NKD1: variants seen among roughly 807,000 people sequenced by gnomAD.
The protein encoded by NKD1 is NKD inhibitor of Wnt signaling pathway 1, also known as protein naked cuticle homolog 1.
NKD1 carries 21 observed loss-of-function variants against 56.0 expected under a neutral mutation model. The ratio of observed to expected loss-of-function variants is 0.38; its 90% confidence interval spans 0.27 to 0.54. The LOEUF is 0.54. Among genes scored for constraint, NKD1 ranks in the 20% least tolerant of loss-of-function variants. The pLI is 0.82. For missense variants in NKD1, 578 were observed against 642.7 expected (o/e 0.90, Z 1.09); for synonymous variants, 263 against 265.7 (o/e 0.99, Z 0.10).
chr16:50,596,536 C>T (rs183951637), intron 3 of NKD1, among the ~76,000 whole-genome samples: 25 of 152,334 alleles, frequency 1.6e-4, no homozygotes, highest in Admixed American at 1.0e-3. Context: ...TACTACAGCG[C>T]GTGGAAACAC....
chr16:50,574,773 G>A (rs1960957411), intron 3 of NKD1: 1 of 985,358 alleles, frequency 1.0e-6, no homozygotes, highest in Non-Finnish European at 1.2e-6. Context: ...CTTTTCTTCT[G>A]AGCCCTGTAA....
intron 3 of NKD1, among the ~76,000 whole-genome samples, chr16:50,567,013 C>CG (rs1960773961): frequency 6.6e-6 from 1 of 151,426 alleles, no homozygotes; most frequent in Non-Finnish European, 1.5e-5. Context: ...TGGCCCCCCC[C>CG]CTTTTTTTTT....
chr16:50,602,196 G>T (rs533084457), intron 3 of NKD1, among the ~76,000 whole-genome samples: 1 of 152,296 alleles, frequency 6.6e-6, no homozygotes, highest in Admixed American at 6.5e-5. Flanking sequence ...GGTCCGCAGG[G>T]GAGAGGTATA....
intron 3 of NKD1, among the ~76,000 whole-genome samples, chr16:50,585,840 T>A (rs1229444010): frequency 6.6e-6 from 1 of 152,166 alleles, no homozygotes; most frequent in Admixed American, 6.5e-5. Context: ...GTCACAGACG[T>A]GCTGATCACT....
At chr16:50,559,557 A>T (rs1346164604) in intron 3 of NKD1, among the ~76,000 whole-genome samples, 1 of 151,978 alleles carries the variant, frequency 6.6e-6, no homozygotes, top group Non-Finnish European at 1.5e-5. Context: ...GTTAGAGCAG[A>T]ACTATGTGGT....
In NKD1 at chr16:50,623,120, G is replaced by A. The variant is rs1962130210; in HGVS notation, c.366+1412G>A. On this transcript the variant is annotated intron_variant, in intron 5 of 9. Coordinates refer to ENST00000268459, the MANE Select transcript of NKD1 (RefSeq NM_033119.5). The surrounding 1 kb of genome is among the most constrained non-coding windows in gnomAD (Gnocchi z 4.1). ...CTGCAGGAGCAAAGGCCTGGAGGCT[G>A]AAGTGCCGGCGTGCTGTGTGGAGAG... 6.6e-6 allele frequency among the ~76,000 whole-genome samples: 1 copy of A among 152,172 alleles called. No homozygotes were observed.
chr16:50,601,338 C>T (rs543840955), intron 3 of NKD1, among the ~76,000 whole-genome samples: 4 of 152,146 alleles, frequency 2.6e-5, no homozygotes, highest in African/African-American at 7.2e-5. Context: ...TTGCTGGAAG[C>T]AGCAAAGGCC....
At chr16:50,629,561 A>G (rs1962297607) in intron 6 of NKD1, among the ~76,000 whole-genome samples, 1 of 152,194 alleles carries the variant, frequency 6.6e-6, no homozygotes, top group Admixed American at 6.5e-5. Flanking sequence ...TTTCTCAGGT[A>G]CAAGGAGTTG....
intron 4 of NKD1, among the ~76,000 whole-genome samples, chr16:50,609,493 C>T (rs763095132): frequency 1.3e-5 from 2 of 151,982 alleles, no homozygotes; most frequent in South Asian, 2.1e-4. Flanking sequence ...CAAGGGTCTG[C>T]GGAGGGGGAT....
intron 3 of NKD1, among the ~76,000 whole-genome samples, chr16:50,605,495 T>C (rs1961685939): frequency 6.6e-6 from 1 of 152,228 alleles, no homozygotes; most frequent in South Asian, 2.1e-4. Flanking sequence ...GGGCTATGTA[T>C]TTGTTGATTC....
At chr16:50,609,906 C>T (rs906832382) in intron 4 of NKD1, among the ~76,000 whole-genome samples, 1 of 152,238 alleles carries the variant, frequency 6.6e-6, no homozygotes, top group Admixed American at 6.5e-5. Context: ...AGACCATCCT[C>T]AGGAGTTTCT....
chr16:50,614,375 C>T (rs898966675), intron 4 of NKD1, among the ~76,000 whole-genome samples: 3 of 152,102 alleles, frequency 2.0e-5, no homozygotes, highest in Admixed American at 1.3e-4. Context: ...CACACACACA[C>T]ACTCACACAC....
intron 6 of NKD1, among the ~76,000 whole-genome samples, chr16:50,625,974 C>G (rs940800313): frequency 1.3e-5 from 2 of 152,244 alleles, no homozygotes; most frequent in Non-Finnish European, 2.9e-5. Flanking sequence ...CAGGCCACCT[C>G]CCTTGCTCAG....
intron 3 of NKD1, among the ~76,000 whole-genome samples, chr16:50,595,123 C>T (rs575973259): frequency 8.5e-5 from 13 of 152,252 alleles, no homozygotes; most frequent in Non-Finnish European, 1.6e-4. Flanking sequence ...GGGCTCTTGT[C>T]CTGTGCCTCT....
intron 3 of NKD1, chr16:50,551,946 A>C (rs1336621155): frequency 6.6e-6 from 1 of 152,180 alleles, no homozygotes; most frequent in Non-Finnish European, 1.5e-5. Context: ...CCCTCAGGCT[A>C]GTTCATTTCC....
intron 3 of NKD1, chr16:50,570,753 G>T (rs1435405524): frequency 2.1e-6 from 2 of 943,768 alleles, no homozygotes; most frequent in African/African-American, 3.5e-5. Flanking sequence ...GCAGAACGGG[G>T]TAGGACTTCC....
At chr16:50,608,486 C>G in intron 4 of NKD1, 126 bp downstream of exon 4, 304 of 541,560 alleles carry the variant, frequency 5.6e-4, no homozygotes, top group East Asian at 1.2e-3. Context: ...CCTTGTGACT[C>G]TGGGTGGGGG....
intron 3 of NKD1, among the ~76,000 whole-genome samples, chr16:50,568,576 C>G (rs1233727844): frequency 2.0e-5 from 3 of 152,134 alleles, no homozygotes; most frequent in Non-Finnish European, 2.9e-5. Flanking sequence ...GGGGGGTCTT[C>G]CTTCATCCAC....
chr16:50,557,580 T>A (rs565288684), intron 3 of NKD1: 10 of 152,368 alleles, frequency 6.6e-5, no homozygotes, highest in Non-Finnish European at 1.5e-4. Flanking sequence ...TTTTGTCACA[T>A]GCTGTTGGGA....
Sources: gnomAD v4.1 joint callset for allele counts (sites outside exome capture counted in the v4.1 genomes callset) on GRCh38, gnomAD v4.1.1 for gene constraint, Gnocchi (gnomAD v3.1) non-coding constraint, MANE v1.5 for transcripts, NCBI Gene and HGNC (gene_info 2026-07-23, HGNC 2026-07-21) for gene names.